WDR70: variants seen among roughly 807,000 people sequenced by gnomAD.
WDR70 encodes the protein WD repeat domain 70.
A neutral mutation model predicts 88.6 loss-of-function variants in WDR70; 53 were observed. The ratio of observed to expected loss-of-function variants is 0.60; its 90% confidence interval spans 0.48 to 0.75. WDR70 has a LOEUF of 0.75. Ranked by LOEUF, WDR70 falls within the 30% of genes least tolerant of loss-of-function variation. The pLI is 0.00. For synonymous variants in WDR70, 280 were observed against 270.0 expected, an observed-to-expected ratio of 1.04 and a Z score of -0.36; for missense variants, 610 against 823.2, an observed-to-expected ratio of 0.74 and a Z score of 3.17.
intron 7 of WDR70, among the ~76,000 whole-genome samples, chr5:37,453,460 G>A (rs187668768): frequency 7.1e-4 from 108 of 152,380 alleles, no homozygotes; most frequent in African/African-American, 2.5e-3. Context: ...TTAAGGCACA[G>A]CTCGCTGATG....
intron 9 of WDR70, among the ~76,000 whole-genome samples, chr5:37,601,750 A>G (rs140296059): frequency 6.6e-6 from 1 of 152,274 alleles, no homozygotes; most frequent in Non-Finnish European, 1.5e-5. Context: ...AACAATCTAT[A>G]TGAAAAAGAC....
intron 13 of WDR70, among the ~76,000 whole-genome samples, chr5:37,708,480 A>G (rs2112672791): frequency 6.6e-6 from 1 of 152,222 alleles, no homozygotes; most frequent in African/African-American, 2.4e-5. Context: ...ACATAATTAT[A>G]CATAACATAA....
At chr5:37,453,904 T>A (rs114135037) in intron 7 of WDR70, among the ~76,000 whole-genome samples, 4,295 of 152,222 alleles carry the variant, frequency 0.028, 101 homozygotes, top group Non-Finnish European at 0.041. Context: ...CTCTCCCACC[T>A]CTCCACTGCC....
chr5:37,647,410 G>A (rs917051189), intron 10 of WDR70, among the ~76,000 whole-genome samples: 2 of 152,170 alleles, frequency 1.3e-5, no homozygotes, highest in African/African-American at 4.8e-5. Flanking sequence ...GTTTTCCTGG[G>A]TGGTTTTGAT....
intron 8 of WDR70, among the ~76,000 whole-genome samples, chr5:37,485,917 G>A (rs1223079029): frequency 1.4e-5 from 2 of 139,072 alleles, no homozygotes; most frequent in Non-Finnish European, 3.0e-5. Flanking sequence ...GTTTCACCAC[G>A]TTGGCCAGGC....
chr5:37,478,101 CT>C (rs1246924854), intron 7 of WDR70, among the ~76,000 whole-genome samples: 1 of 152,184 alleles, frequency 6.6e-6, no homozygotes, highest in African/African-American at 2.4e-5. Flanking sequence ...ATAACCCAGT[CT>C]TTATATGCTG....
chr5:37,648,923 A>G (rs1337627627), intron 10 of WDR70, among the ~76,000 whole-genome samples: 1 of 152,152 alleles, frequency 6.6e-6, no homozygotes, highest in Non-Finnish European at 1.5e-5. Context: ...TTAATTTTTC[A>G]TTAATAACAT....
In WDR70 at chr5:37,587,291, G is replaced by A. The variant is rs533262723; in HGVS notation, c.918-17773G>A. On this transcript the variant is annotated intron_variant, in intron 9 of 17. Transcript: ENST00000265107. Reference sequence around the variant, plus strand: ...TACTTGCCAATATTTTTACAATCTCGTCTTCTACTTGTGCCCACTGTGTAC... The same window carrying A: ...TACTTGCCAATATTTTTACAATCTCATCTTCTACTTGTGCCCACTGTGTAC... 1.1e-4 allele frequency among the ~76,000 whole-genome samples: 16 copies of A among 151,848 alleles called. 1 individual carries two copies. The highest frequency in any genetic ancestry group is 3.3e-4 in the Admixed American group (5 of 15,210).
intron 11 of WDR70, 189 bp downstream of exon 11, chr5:37,697,943 G>A: frequency 2.0e-6 from 1 of 491,340 alleles, no homozygotes; most frequent in Non-Finnish European, 3.6e-6. Context: ...AAATTACCAA[G>A]TAAAATGTTT....
chr5:37,697,693 G>A lies in WDR70; in HGVS notation c.1131G>A (p.Ser377=), dbSNP rs767534680. Residue 377 remains serine (S), a synonymous_variant, in exon 11 of 18, where the codon TCG becomes TCA. Coordinates refer to ENST00000265107, the MANE Select transcript of WDR70 (RefSeq NM_018034.4). ...PKFHYKQAHD[S]GTDTSCVTFS... is the part of the protein sequence containing the mutation. ...TCCACTATAAACAGGCTCATGACTCGGGCACAGACACTTCTTGCGTGACTT... is the reference window on the plus strand; with the variant it reads ...TCCACTATAAACAGGCTCATGACTCAGGCACAGACACTTCTTGCGTGACTT... 32 of 1,613,672 alleles carry A rather than the reference G, an allele frequency of 2.0e-5. No individual in the cohort carries two copies. The highest frequency in any genetic ancestry group is 1.9e-4 in the South Asian group (17 of 91,060).
chr5:37,615,563 A>G (rs933511801), intron 10 of WDR70, among the ~76,000 whole-genome samples: 1 of 152,150 alleles, frequency 6.6e-6, no homozygotes, highest in East Asian at 1.9e-4. Context: ...AGGTGATGAA[A>G]TATTTTAAGT....
At chr5:37,624,708 T>C (rs1744617446) in intron 10 of WDR70, among the ~76,000 whole-genome samples, 1 of 152,204 alleles carries the variant, frequency 6.6e-6, no homozygotes, top group African/African-American at 2.4e-5. Context: ...GGGGAAATTG[T>C]CCATTTTTAT....
chr5:37,436,753 G>A (rs529662829), intron 5 of WDR70, among the ~76,000 whole-genome samples: 1 of 152,242 alleles, frequency 6.6e-6, no homozygotes, highest in Admixed American at 6.5e-5. Flanking sequence ...AATTTTAGGG[G>A]AAGTCAGTAG....
chr5:37,449,906 C>A (rs1007799974), intron 7 of WDR70, among the ~76,000 whole-genome samples: 4 of 152,112 alleles, frequency 2.6e-5, no homozygotes, highest in Admixed American at 2.6e-4. Flanking sequence ...TAGCCCCGCA[C>A]CCCCTGACAG....
chr5:37,625,035 C>T (rs74821404), intron 10 of WDR70, among the ~76,000 whole-genome samples: 1,836 of 152,234 alleles, frequency 0.012, 24 homozygotes, highest in Non-Finnish European at 0.016. Context: ...CTGGTTTCTA[C>T]GACCCACCTT....
At chr5:37,441,446 C>G (rs747283025) in intron 6 of WDR70, among the ~76,000 whole-genome samples, 1 of 152,096 alleles carries the variant, frequency 6.6e-6, no homozygotes, top group Non-Finnish European at 1.5e-5. Flanking sequence ...TTGTCAGTAT[C>G]TGACTAATTA....
At position 37,586,956 on chromosome 5, in the gene WDR70, A is replaced by G. The variant is rs184305913; in HGVS notation, c.918-18108A>G. 2.2e-3 allele frequency among the ~76,000 whole-genome samples: 331 copies of G among 152,260 alleles called. 2 individuals carry two copies. The highest frequency in any genetic ancestry group is 7.7e-3 in the African/African-American group (321 of 41,556). ...ACTTCTACCAAAATTATTACCTTCT[A>G]TCTTATACCATATCTTCCACAGCTC... On this transcript the variant is annotated intron_variant, in intron 9 of 17. Coordinates refer to ENST00000265107, the MANE Select transcript of WDR70 (RefSeq NM_018034.4).
At chr5:37,703,237 T>A in intron 13 of WDR70, 150 bp downstream of exon 13, 2 of 916,194 alleles carry the variant, frequency 2.2e-6, no homozygotes, top group South Asian at 4.3e-5. Flanking sequence ...GTTATCAGTA[T>A]GTTGTGGATG....
chr5:37,466,684 C>T (rs1205156295), intron 7 of WDR70, among the ~76,000 whole-genome samples: 11 of 113,662 alleles, frequency 9.7e-5, no homozygotes, highest in Non-Finnish European at 1.1e-4. Flanking sequence ...CCAGCCTGGG[C>T]GACAGAGCGA....
Sources: gnomAD v4.1 joint callset for allele counts (sites outside exome capture counted in the v4.1 genomes callset) on GRCh38, gnomAD v4.1.1 for gene constraint, MANE v1.5 for transcripts, NCBI Gene and HGNC (gene_info 2026-07-23, HGNC 2026-07-21) for gene names.